Variants in SUGCT observed in about 807,000 individuals in gnomAD.
SUGCT encodes the protein succinyl-CoA:glutarate-CoA transferase.
Under a neutral mutation model 55.0 loss-of-function variants are expected in SUGCT, and 41 were observed. The observed-to-expected ratio is 0.74, with a 90% CI of 0.58 to 0.97. The LOEUF (loss-of-function observed/expected upper bound fraction) is 0.97, where lower values mean the gene tolerates loss of function less well. SUGCT is among the 50% of genes least tolerant of loss of function. The pLI is 0.00. For missense variants in SUGCT, 568 were observed against 547.8 expected, an observed-to-expected ratio of 1.04 and a Z score of -0.37; for synonymous variants, 187 against 200.4, an observed-to-expected ratio of 0.93 and a Z score of 0.56.
At chr7:40,619,440 T>C (rs1799161345) in intron 12 of SUGCT, among the ~76,000 whole-genome samples, 1 of 152,196 alleles carries the variant, frequency 6.6e-6, no homozygotes, top group Non-Finnish European at 1.5e-5. Flanking sequence ...TTAATTTTGT[T>C]TTTTTCCTTC....
At chr7:40,259,356 T>C (rs1791064003) in intron 7 of SUGCT, among the ~76,000 whole-genome samples, 1 of 152,282 alleles carries the variant, frequency 6.6e-6, no homozygotes, top group South Asian at 2.1e-4. Flanking sequence ...GGGATACATA[T>C]ATACTGAGGG....
At chr7:40,939,658 A>G in the SUGCT span, among the ~76,000 whole-genome samples, 1 of 151,978 alleles carries the variant, frequency 6.6e-6, no homozygotes, top group Non-Finnish European at 1.5e-5. Context: ...GCACATTTTC[A>G]TATGTTTGTT....
At chr7:41,014,691 T>C in the SUGCT span, among the ~76,000 whole-genome samples, 1 of 152,160 alleles carries the variant, frequency 6.6e-6, no homozygotes, top group African/African-American at 2.4e-5. Context: ...AAGGGGATGG[T>C]TTTTAAACAA....
intron 9 of SUGCT, among the ~76,000 whole-genome samples, chr7:40,392,527 A>G (rs1250619411): frequency 2.0e-5 from 3 of 152,090 alleles, no homozygotes; most frequent in Non-Finnish European, 2.9e-5. Context: ...ACTTGTTACT[A>G]CAAATATCAA....
At chr7:40,204,385 C>T (rs1316242459) in intron 6 of SUGCT, among the ~76,000 whole-genome samples, 1 of 151,572 alleles carries the variant, frequency 6.6e-6, no homozygotes, top group Non-Finnish European at 1.5e-5. Context: ...TCACTGCAGC[C>T]TCCACCTCCC....
At chr7:40,538,548 A>G (rs933061177) in intron 12 of SUGCT, 4 of 152,184 alleles carry the variant, frequency 2.6e-5, no homozygotes, top group African/African-American at 9.7e-5. Context: ...TCTGTCCTCT[A>G]AGTTTCTGGT....
the SUGCT span, among the ~76,000 whole-genome samples, chr7:40,968,936 C>G: frequency 3.0e-4 from 45 of 152,134 alleles, 1 homozygote; most frequent in Non-Finnish European, 1.3e-4. Context: ...CTGCCTGTAG[C>G]CAAGTGGATC....
At chr7:40,167,591 T>C (rs764868609) in intron 1 of SUGCT, among the ~76,000 whole-genome samples, 3 of 152,180 alleles carry the variant, frequency 2.0e-5, no homozygotes, top group Non-Finnish European at 2.9e-5. Context: ...CCTAGGGCCA[T>C]GCAGTGAGTG....
At chr7:40,631,551 T>C (rs1230737665) in intron 12 of SUGCT, among the ~76,000 whole-genome samples, 2 of 152,240 alleles carry the variant, frequency 1.3e-5, no homozygotes, top group Non-Finnish European at 2.9e-5. Context: ...CGTGCCTGGA[T>C]TGGGTCTGGA....
At chr7:40,594,678 C>G (rs1488016604) in intron 12 of SUGCT, among the ~76,000 whole-genome samples, 1 of 152,208 alleles carries the variant, frequency 6.6e-6, no homozygotes, top group Non-Finnish European at 1.5e-5. Context: ...GACACCCCTC[C>G]TCTCTTCACA....
chr7:40,207,548 G>A (rs952993230), intron 6 of SUGCT, among the ~76,000 whole-genome samples: 4 of 152,204 alleles, frequency 2.6e-5, no homozygotes, highest in African/African-American at 7.2e-5. Context: ...TGGGCGTGGT[G>A]GTTCACGCCT....
chr7:40,167,689 A>G (rs1784483122), intron 1 of SUGCT, among the ~76,000 whole-genome samples: 2 of 152,218 alleles, frequency 1.3e-5, no homozygotes, highest in African/African-American at 4.8e-5. Context: ...GAACCTGGGC[A>G]CTTAGCAATG....
chr7:41,009,150 G>T, the SUGCT span, among the ~76,000 whole-genome samples: 1 of 144,814 alleles, frequency 6.9e-6, no homozygotes, highest in Non-Finnish European at 1.5e-5. Context: ...GGAGTTTAAG[G>T]TTATAGTGAG....
chr7:40,171,680 T>G (rs1784678287), intron 1 of SUGCT, among the ~76,000 whole-genome samples: 1 of 152,244 alleles, frequency 6.6e-6, no homozygotes, highest in South Asian at 2.1e-4. Flanking sequence ...TAAACGTTAC[T>G]TTTCTACTGC....
At chr7:40,489,788 C>G (rs576067833) in intron 11 of SUGCT, among the ~76,000 whole-genome samples, 14 of 152,198 alleles carry the variant, frequency 9.2e-5, no homozygotes, top group Non-Finnish European at 1.9e-4. Flanking sequence ...CTTCACTGAT[C>G]TCTATCTCTT....
chr7:40,223,771 C>G (rs1788178100), intron 6 of SUGCT, among the ~76,000 whole-genome samples: 1 of 151,960 alleles, frequency 6.6e-6, no homozygotes, highest in Non-Finnish European at 1.5e-5. Context: ...TCATTTATCT[C>G]TATTAAATAA....
At chr7:40,539,529 C>T (rs572124932) in intron 12 of SUGCT, 6 of 152,200 alleles carry the variant, frequency 3.9e-5, no homozygotes, top group East Asian at 1.9e-4. Flanking sequence ...AAGTGTCACG[C>T]GTTTCATAAG....
intron 9 of SUGCT, among the ~76,000 whole-genome samples, chr7:40,434,585 C>CT (rs1788072291): frequency 6.6e-6 from 1 of 152,146 alleles, no homozygotes; most frequent in Non-Finnish European, 1.5e-5. Context: ...GTCATATAGT[C>CT]TTTAAGTATT....
chr7:40,850,038 G>A (rs1793772989), intron 13 of SUGCT, among the ~76,000 whole-genome samples: 1 of 152,128 alleles, frequency 6.6e-6, no homozygotes, highest in Non-Finnish European at 1.5e-5. Flanking sequence ...TATTGCACAA[G>A]GAATCTAGTG....
Sources: gnomAD v4.1 joint callset for allele counts (sites outside exome capture counted in the v4.1 genomes callset) on GRCh38, gnomAD v4.1.1 for gene constraint, MANE v1.5 for transcripts, NCBI Gene and HGNC (gene_info 2026-07-23, HGNC 2026-07-21) for gene names.